Variants in FAM86B1 observed in about 807,000 individuals in gnomAD.
FAM86B1 encodes the protein family with sequence similarity 86 member B1 (gene/pseudogene).
For synonymous variants in FAM86B1, 4 were observed against 137.6 expected (o/e 0.03, Z 6.79); for missense variants, 13 against 328.1 (o/e 0.04, Z 7.42).
At chr8:12,194,289 A>G (rs1807483697), upstream of FAM86B1, among the ~76,000 whole-genome samples, 1 of 147,862 alleles carries the variant, frequency 6.8e-6, no homozygotes, top group African/African-American at 2.7e-5. Context: ...ACATCGGGGC[A>G]GGTCCTGGGT....
chr8:12,186,240 G>A (rs1429377166), intron 5 of FAM86B1, 112 bp downstream of exon 5: 3 of 1,091,318 alleles, frequency 2.7e-6, no homozygotes, highest in Non-Finnish European at 3.6e-6. Flanking sequence ...TCTTCTGGAA[G>A]CCCCATCACA....
chr8:12,184,248 G>A (rs1294592803), intron 6 of FAM86B1, among the ~76,000 whole-genome samples: 1 of 5,330 alleles, frequency 1.9e-4, no homozygotes, highest in Non-Finnish European at 2.6e-4. Context: ...GTCTTGCTCT[G>A]TTACCCACGC....
chr8:12,188,087 G>A (rs1806114359), intron 3 of FAM86B1: 1 of 906,386 alleles, frequency 1.1e-6, no homozygotes, highest in South Asian at 1.7e-5. Context: ...AATAGCTCCG[G>A]TGGCCCTGGG....
intron 1 of FAM86B1, among the ~76,000 whole-genome samples, chr8:12,192,536 G>A (rs1371264020): frequency 7.6e-6 from 1 of 132,440 alleles, no homozygotes; most frequent in Non-Finnish European, 1.5e-5. Flanking sequence ...TCACCACTCA[G>A]GTCCCAGTTC....
At chr8:12,194,300 A>G (rs1156308941), upstream of FAM86B1, among the ~76,000 whole-genome samples, 3 of 147,930 alleles carry the variant, frequency 2.0e-5, no homozygotes, top group African/African-American at 8.0e-5. Context: ...GGTCCTGGGT[A>G]GAGTCCAGGT....
chr8:12,192,527 C>T (rs1398390482), intron 1 of FAM86B1, among the ~76,000 whole-genome samples: 1 of 132,412 alleles, frequency 7.6e-6, no homozygotes, highest in Non-Finnish European at 1.5e-5. Context: ...CTGGCTGCTT[C>T]ACCACTCAGG....
At position 12,189,251 on chromosome 8, in the gene FAM86B1, AAAAT is replaced by A. The variant is rs1399374643; in HGVS notation, c.240+553_240+556del. 4.3e-3 allele frequency among the ~76,000 whole-genome samples: 553 copies of A among 128,344 alleles called. 4 individuals are homozygous for A. The highest frequency in any genetic ancestry group is 9.6e-3 in the African/African-American group (300 of 31,174). The allele number at this position is 128,344 out of a possible 152,430, so 84.2% of individuals were successfully genotyped here. On this transcript the variant is annotated intron_variant, in intron 3 of 6. Coordinates refer to ENST00000448228, the MANE Select transcript of FAM86B1 (RefSeq NM_001083537.4). ...AACACAGTGAGACTCTGTCTCAAAAAAAATATATAAATAAATAAATAAATAAATA... is the reference window on the plus strand; with the variant it reads ...AACACAGTGAGACTCTGTCTCAAAAAATATAAATAAATAAATAAATAAATA...
At chr8:12,192,874 A>C (rs1443800990) in intron 1 of FAM86B1, among the ~76,000 whole-genome samples, 1 of 150,122 alleles carries the variant, frequency 6.7e-6, no homozygotes, top group Admixed American at 6.6e-5. Context: ...GAACAACCCT[A>C]AGAGGTAGGT....
chr8:12,192,854 TC>T (rs1807144780), intron 1 of FAM86B1, among the ~76,000 whole-genome samples: 1 of 150,414 alleles, frequency 6.6e-6, no homozygotes, highest in African/African-American at 2.5e-5. Flanking sequence ...GCATTTGTAC[TC>T]AACGCTGAGA....
At chr8:12,190,777 G>T (rs867907742) in intron 2 of FAM86B1, among the ~76,000 whole-genome samples, 1 of 109,082 alleles carries the variant, frequency 9.2e-6, no homozygotes, top group Non-Finnish European at 1.8e-5. Context: ...AGTAGAGATG[G>T]GTTTTTGCCA....
chr8:12,191,607 C>G (rs1234738256), intron 2 of FAM86B1, among the ~76,000 whole-genome samples, 172 bp downstream of exon 2: 1 of 140,912 alleles, frequency 7.1e-6, no homozygotes, highest in African/African-American at 3.0e-5. Context: ...AAAACGAAAC[C>G]GTAGGAGCTG....
intron 2 of FAM86B1, among the ~76,000 whole-genome samples, chr8:12,191,016 A>G (rs1354186454): frequency 6.7e-6 from 1 of 148,912 alleles, no homozygotes; most frequent in East Asian, 2.0e-4. Context: ...GCCCTGACCT[A>G]CTGTATTGCC....
intron 2 of FAM86B1, among the ~76,000 whole-genome samples, chr8:12,191,018 T>C: frequency 6.7e-6 from 1 of 149,134 alleles, no homozygotes; most frequent in Non-Finnish European, 1.5e-5. Context: ...CCTGACCTAC[T>C]GTATTGCCCC....
At chr8:12,189,297 A>AATAC (rs1304812415) in intron 3 of FAM86B1, among the ~76,000 whole-genome samples, 3 of 89,358 alleles carry the variant, frequency 3.4e-5, no homozygotes, top group African/African-American at 1.4e-4. Flanking sequence ...TAAATAAATA[A>AATAC]ATAAGTAAAA....
chr8:12,194,870 G>A (rs1319979512), upstream of FAM86B1: 6 of 150,464 alleles, frequency 4.0e-5, no homozygotes, highest in South Asian at 1.8e-4. Context: ...GGAGGGGATC[G>A]GAATGTGGCT....
Position 12,182,484 on chromosome 8 carries a change from G to A in FAM86B1, c.*1122C>T, listed in dbSNP as rs1222501194. The A allele has an allele frequency of 1.8e-5, 24 of 1,338,172 alleles. No homozygotes were observed. The highest frequency in any genetic ancestry group is 2.3e-5 in the Non-Finnish European group (22 of 975,420). 82.9% of individuals were successfully genotyped at this position (1,338,172 alleles called of 1,614,324 possible). A position where few individuals can be genotyped will look rare whatever the true frequency, so the allele number is the denominator to read the frequency against. Reference sequence around the variant, plus strand: ...TCCAAGTGAGGGAGTTAGGGACTTGGGAGGGGTTGTTGTTGGGTCGGGGAC... The same window carrying A: ...TCCAAGTGAGGGAGTTAGGGACTTGAGAGGGGTTGTTGTTGGGTCGGGGAC... On this transcript the variant is annotated 3_prime_UTR_variant, in exon 7 of 7. Transcript: ENST00000448228.
At chr8:12,192,847 T>C (rs1807142634) in intron 1 of FAM86B1, among the ~76,000 whole-genome samples, 1 of 150,438 alleles carries the variant, frequency 6.6e-6, no homozygotes, top group Admixed American at 6.6e-5. Flanking sequence ...TCCGCAGGCA[T>C]TTGTACTCAA....
At chr8:12,184,014 G>C (rs1404503280) in intron 6 of FAM86B1, among the ~76,000 whole-genome samples, 213 of 47,766 alleles carry the variant, frequency 4.5e-3, no homozygotes, top group Admixed American at 6.3e-3. Context: ...TGGCTGCTCA[G>C]TCAACTCACT....
At chr8:12,190,972 G>T (rs1806751997) in intron 2 of FAM86B1, among the ~76,000 whole-genome samples, 1 of 145,408 alleles carries the variant, frequency 6.9e-6, no homozygotes, top group Non-Finnish European at 1.5e-5. Context: ...TCAGAGCAAG[G>T]TGCGAGATAA....
Sources: gnomAD v4.1 joint callset for allele counts (sites outside exome capture counted in the v4.1 genomes callset) on GRCh38, gnomAD v4.1.1 for gene constraint, MANE v1.5 for transcripts, NCBI Gene and HGNC (gene_info 2026-07-23, HGNC 2026-07-21) for gene names.